Variants in CCND2 observed in about 807,000 individuals in gnomAD.
The protein encoded by CCND2 is cyclin D2.
CCND2 carries 6 observed loss-of-function variants against 30.2 expected under a neutral mutation model. The observed-to-expected ratio is 0.20, with a 90% CI of 0.11 to 0.39. The LOEUF (loss-of-function observed/expected upper bound fraction) is 0.39. Among genes scored for constraint, CCND2 ranks in the 10% least tolerant of loss-of-function variants. The probability of loss-of-function intolerance (pLI) is 1.00; values close to 1 mark genes in which losing one functional copy is unlikely to be tolerated. For missense variants in CCND2, 235 were observed against 373.4 expected (o/e 0.63, Z 3.06); for synonymous variants, 150 against 153.1 (o/e 0.98, Z 0.15).
intron 3 of CCND2, among the ~76,000 whole-genome samples, chr12:4,279,501 G>A (rs1271648090): frequency 6.6e-6 from 1 of 152,108 alleles, no homozygotes; most frequent in African/African-American, 2.4e-5. Context: ...CTTTCGGTGA[G>A]GCTTTACTTT....
intron 3 of CCND2, 78 bp downstream of exon 3, chr12:4,278,997 G>C (rs2120532706): frequency 6.9e-7 from 1 of 1,442,178 alleles, no homozygotes; most frequent in Admixed American, 2.0e-5. Flanking sequence ...AAAGGCCGTA[G>C]GAACTTTCAT....
In CCND2 at chr12:4,304,770, A is replaced by G. The variant is rs1245980541; in HGVS notation, c.*4761A>G. 2 of 233,584 alleles carry G rather than the reference A, an allele frequency of 8.6e-6. No homozygotes were observed. Among genetic ancestry groups the G allele is most frequent in the African/African-American group, 4.4e-5 (2 of 45,340 alleles). 14.5% of individuals were successfully genotyped at this position (233,584 alleles called of 1,614,324 possible). A position where few individuals can be genotyped will look rare whatever the true frequency, so the allele number is the denominator to read the frequency against. On this transcript the variant is annotated 3_prime_UTR_variant, in exon 5 of 5. Transcript: ENST00000261254. The surrounding 1 kb of genome is among the most constrained non-coding windows in gnomAD (Gnocchi z 6.2). ...CTGACTGTAGCCATTACAGTATCCA[A>G]TGTCTTTTGACAGGTGCCTGTCCTT...
rs1864004961 is a variant in CCND2 at position 4,285,070 on chromosome 12, A to G, written c.572-3772A>G. Among the ~76,000 whole-genome samples, 3 of 152,246 alleles carry G rather than the reference A, an allele frequency of 2.0e-5. No individual in the cohort carries two copies. The highest frequency in any genetic ancestry group is 4.2e-4 in the South Asian group (2 of 4,812). ...CCCTTTCTTTGAGAAGTTTCTTCAG[A>G]AGTTATCCATATAGTAGTACAGACC... is the stretch of plus-strand genomic sequence containing the variant. On this transcript the variant is annotated intron_variant, in intron 3 of 4. Coordinates refer to ENST00000261254, the MANE Select transcript of CCND2 (RefSeq NM_001759.4). The surrounding 1 kb of genome is among the most constrained non-coding windows in gnomAD (Gnocchi z 4.1).
At chr12:4,288,819 C>G (rs535798018) in intron 3 of CCND2, 23 bp from the exon 4 acceptor site, 15 of 1,599,666 alleles carry the variant, frequency 9.4e-6, no homozygotes, top group Non-Finnish European at 1.2e-5. Context: ...GTGCCCTGAC[C>G]TTCTGCCTCT....
In CCND2 at chr12:4,287,110, G is replaced by A. The variant is rs1002864161; in HGVS notation, c.572-1732G>A. Among the ~76,000 whole-genome samples, 3 of 152,212 alleles carry A rather than the reference G, an allele frequency of 2.0e-5. No individual in the cohort carries two copies. The highest frequency in any genetic ancestry group is 2.9e-5 in the Non-Finnish European group (2 of 68,042). ...GCGACAGAGAAGGCGTAGGAGGGGC[G>A]GGTGGACAGCAGGCGTGGGCGCAGC... is the stretch of plus-strand genomic sequence containing the variant. On this transcript the variant is annotated intron_variant, in intron 3 of 4. Coordinates refer to ENST00000261254, the MANE Select transcript of CCND2 (RefSeq NM_001759.4). The surrounding 1 kb of genome is among the most constrained non-coding windows in gnomAD (Gnocchi z 4.0).
At chr12:4,292,775 TG>T (rs34644556) in intron 4 of CCND2, among the ~76,000 whole-genome samples, 1 of 152,072 alleles carries the variant, frequency 6.6e-6, no homozygotes, top group African/African-American at 2.4e-5. Context: ...GGACGTCTAT[TG>T]GGGGTGTCCA....
At chr12:4,288,604 A>G (rs570323425) in intron 3 of CCND2, among the ~76,000 whole-genome samples, 3 of 152,180 alleles carry the variant, frequency 2.0e-5, no homozygotes, top group Non-Finnish European at 4.4e-5. Context: ...GTGTGCGCTT[A>G]GATAAGCTGT....
rs938669519 is a variant in CCND2 at position 4,293,552 on chromosome 12, C to T, written c.720+4562C>T. Among the ~76,000 whole-genome samples the T allele has an allele frequency of 6.6e-6, 1 of 152,172 alleles. No individual in the cohort carries two copies. Among genetic ancestry groups the T allele is most frequent in the African/African-American group, 2.4e-5 (1 of 41,432 alleles). ...ACCCAATAGGGAGTGTTTCAACTCTCGTCCCTGTCCCTAGACACATTCTTA... is the reference window on the plus strand; with the variant it reads ...ACCCAATAGGGAGTGTTTCAACTCTTGTCCCTGTCCCTAGACACATTCTTA... On this transcript the variant is annotated intron_variant, in intron 4 of 4. Coordinates refer to ENST00000261254, the MANE Select transcript of CCND2 (RefSeq NM_001759.4). The surrounding 1 kb of genome is among the most constrained non-coding windows in gnomAD (Gnocchi z 4.9).
chr12:4,278,955 G>T (rs1242726713), intron 3 of CCND2, 36 bp downstream of exon 3: 1 of 1,587,514 alleles, frequency 6.3e-7, no homozygotes, highest in African/African-American at 1.3e-5. Flanking sequence ...GGAGATGGGG[G>T]AGCTCTTTTG....
intron 3 of CCND2, among the ~76,000 whole-genome samples, chr12:4,280,832 C>G (rs1308454388): frequency 6.6e-6 from 1 of 152,230 alleles, no homozygotes; most frequent in Non-Finnish European, 1.5e-5. Flanking sequence ...TCTAACTGCC[C>G]CTTCCTCCTC....
At chr12:4,294,946 C>T (rs1424930691) in intron 4 of CCND2, among the ~76,000 whole-genome samples, 2 of 152,338 alleles carry the variant, frequency 1.3e-5, no homozygotes, top group East Asian at 3.9e-4. Flanking sequence ...TCTACCCCCA[C>T]CCCAATCCCA....
chr12:4,275,708 C>G (rs763346926), intron 1 of CCND2, among the ~76,000 whole-genome samples: 11 of 151,916 alleles, frequency 7.2e-5, no homozygotes, highest in Non-Finnish European at 1.3e-4. Context: ...CCAAAGGGAG[C>G]GTCGCGGAGC....
Position 4,285,429 on chromosome 12 carries a change from T to A in CCND2, c.572-3413T>A. The A allele has an allele frequency of 6.1e-6, 6 of 985,330 alleles. No individual in the cohort carries two copies. Among genetic ancestry groups the A allele is most frequent in the Non-Finnish European group, 7.2e-6 (6 of 829,814 alleles). 61.0% of individuals were successfully genotyped at this position (985,330 alleles called of 1,614,324 possible). ...GAGACTTAACAGACTGCTGAGAAAT[T>A]TGTACCTGGTTTTTATTTGTTAAAA... On this transcript the variant is annotated intron_variant, in intron 3 of 4. Transcript: ENST00000261254. The surrounding 1 kb of genome is among the most constrained non-coding windows in gnomAD (Gnocchi z 4.1).
In CCND2 at chr12:4,300,622, T is replaced by G. The variant is rs1431008668; in HGVS notation, c.*613T>G. On this transcript the variant is annotated 3_prime_UTR_variant, in exon 5 of 5. Coordinates refer to ENST00000261254, the MANE Select transcript of CCND2 (RefSeq NM_001759.4). ...TCTACATTAATGTCCTCTTGCTGTC[T>G]ACAGTAGCTGCTACCTAAAAAAAGA... 2 of 233,676 alleles carry G rather than the reference T, an allele frequency of 8.6e-6. No individual in the cohort carries two copies. The highest frequency in any genetic ancestry group is 6.0e-5 in the East Asian group (1 of 16,602). 14.5% of individuals were successfully genotyped at this position (233,676 alleles called of 1,614,324 possible).
At chr12:4,288,780 TC>T in intron 3 of CCND2, 61 bp from the exon 4 acceptor site, 2 of 1,536,180 alleles carry the variant, frequency 1.3e-6, no homozygotes, top group Non-Finnish European at 1.8e-6. Flanking sequence ...CTCTGCAGTC[TC>T]GGGAGCTCCA....
chr12:4,292,400 T>C (rs1284252595), intron 4 of CCND2, among the ~76,000 whole-genome samples: 2 of 152,112 alleles, frequency 1.3e-5, no homozygotes, highest in Non-Finnish European at 2.9e-5. Flanking sequence ...TGTTTCTGAT[T>C]TCTTCAAGCT....
Position 4,285,591 on chromosome 12 carries a change from C to CGCAT in CCND2, c.572-3239_572-3236dup, listed in dbSNP as rs1033709667. The CGCAT allele has an allele frequency of 4.7e-6, 1 of 212,120 alleles. No individual in the cohort carries two copies. Among genetic ancestry groups the CGCAT allele is most frequent in the Non-Finnish European group, 8.1e-6 (1 of 123,028 alleles). The allele number at this position is 212,120 out of a possible 1,614,324, so 13.1% of individuals were successfully genotyped here. A position where few individuals can be genotyped will look rare whatever the true frequency, so the allele number is the denominator to read the frequency against. On this transcript the variant is annotated intron_variant, in intron 3 of 4. Transcript: ENST00000261254. This position sits in a 1 kb window ranked among gnomAD's most constrained non-coding sequence, Gnocchi z 4.1. ...TACCCATGGTTGTAATCTTCATCGT[C>CGCAT]GCATGCATGCATGCAATTTGGTTTT... is the stretch of plus-strand genomic sequence containing the variant.
chr12:4,292,593 G>A (rs530078043), intron 4 of CCND2, among the ~76,000 whole-genome samples: 11 of 152,290 alleles, frequency 7.2e-5, no homozygotes, highest in South Asian at 2.1e-4. Context: ...TTGTTGCTCC[G>A]TCTGGTTGCC....
At chr12:4,295,281 G>C (rs546930819) in intron 4 of CCND2, among the ~76,000 whole-genome samples, 1 of 152,204 alleles carries the variant, frequency 6.6e-6, no homozygotes, top group Non-Finnish European at 1.5e-5. Flanking sequence ...TTGTGTAGTC[G>C]AAAGTCAAGC....
Sources: allele counts gnomAD v4.1 joint callset (sites outside exome capture counted in the v4.1 genomes callset), GRCh38; gene constraint gnomAD v4.1.1; non-coding constraint Gnocchi (gnomAD v3.1); transcripts MANE v1.5; gene names NCBI Gene and HGNC (gene_info 2026-07-23, HGNC 2026-07-21).